Variants in CPNE5 observed in about 807,000 individuals in gnomAD.
CPNE5 encodes copine-5.
A neutral mutation model predicts 81.1 loss-of-function variants in CPNE5; 42 were observed. The observed-to-expected ratio is 0.52, with a 90% CI of 0.40 to 0.67. The LOEUF is 0.67. Ranked by LOEUF, CPNE5 falls within the 30% of genes least tolerant of loss-of-function variation. CPNE5 has a pLI of 0.00. For synonymous variants in CPNE5, 313 were observed against 321.5 expected (o/e 0.97, Z 0.28); for missense variants, 612 against 815.5 (o/e 0.75, Z 3.04).
intron 12 of CPNE5, among the ~76,000 whole-genome samples, chr6:36,759,319 G>A (rs1466454712): frequency 6.6e-6 from 1 of 151,952 alleles, no homozygotes; most frequent in African/African-American, 2.4e-5. Flanking sequence ...GCCCCGCCAC[G>A]GTGAATCCCA....
In CPNE5 at chr6:36,766,817, T is replaced by G. The variant is rs1027836229; in HGVS notation, c.738-1441A>C. Among the ~76,000 whole-genome samples the G allele has an allele frequency of 6.6e-6, 1 of 152,206 alleles. No homozygotes were observed. Among genetic ancestry groups the G allele is most frequent in the Non-Finnish European group, 1.5e-5 (1 of 68,036 alleles). On this transcript the variant is annotated intron_variant, in intron 10 of 20. Coordinates refer to ENST00000244751, the MANE Select transcript of CPNE5 (RefSeq NM_020939.2). The surrounding 1 kb of genome is among the most constrained non-coding windows in gnomAD (Gnocchi z 4.2). ...GTCTCTACAAAAATGCCTCCTTCTC[T>G]CCACTTCATCATTTGGCCGCGCTCT...
intron 8 of CPNE5, among the ~76,000 whole-genome samples, chr6:36,789,974 C>G (rs879766625): frequency 3.9e-5 from 6 of 152,106 alleles, no homozygotes; most frequent in African/African-American, 1.4e-4. Flanking sequence ...ATTCTGTGTT[C>G]GTGTGTCTTA....
chr6:36,768,384 A>G (rs1168217715), intron 10 of CPNE5, among the ~76,000 whole-genome samples: 1 of 151,908 alleles, frequency 6.6e-6, no homozygotes, highest in Non-Finnish European at 1.5e-5. Flanking sequence ...GGCGCATGCC[A>G]TCATATCCGG....
chr6:36,742,872 C>G, intron 20 of CPNE5: 1 of 985,416 alleles, frequency 1.0e-6, no homozygotes, highest in Non-Finnish European at 1.2e-6. Flanking sequence ...GCAGAGCCCT[C>G]TCTCTCTGGC....
intron 12 of CPNE5, among the ~76,000 whole-genome samples, chr6:36,758,160 C>T (rs1425735584): frequency 1.3e-5 from 2 of 152,150 alleles, no homozygotes; most frequent in Non-Finnish European, 2.9e-5. Context: ...GCCTCAGTCT[C>T]CTCATCTCTA....
chr6:36,782,874 G>A (rs1051366296), intron 8 of CPNE5, among the ~76,000 whole-genome samples: 16 of 119,954 alleles, frequency 1.3e-4, no homozygotes, highest in African/African-American at 5.5e-4. Context: ...CACACAAAAC[G>A]GCACAAAGGA....
At chr6:36,807,627 T>C (rs1352298005) in intron 3 of CPNE5, among the ~76,000 whole-genome samples, 1 of 152,168 alleles carries the variant, frequency 6.6e-6, no homozygotes, top group East Asian at 1.9e-4. Flanking sequence ...TTTCTGCTCA[T>C]CTTCCACACC....
intron 12 of CPNE5, among the ~76,000 whole-genome samples, chr6:36,760,371 C>T (rs1449682517): frequency 2.0e-5 from 3 of 152,124 alleles, no homozygotes; most frequent in South Asian, 2.1e-4. Context: ...CTCCCATGTG[C>T]GAACCAGGCT....
intron 3 of CPNE5, among the ~76,000 whole-genome samples, chr6:36,808,233 C>T (rs1040985609): frequency 3.9e-5 from 6 of 152,000 alleles, no homozygotes; most frequent in African/African-American, 1.2e-4. Context: ...TGGGATTACA[C>T]GTGCCTGCCA....
At position 36,746,667 on chromosome 6, in the gene CPNE5, CCTAA is replaced by C; in HGVS notation, c.1019-94_1019-91del. The C allele has an allele frequency of 2.5e-6, 3 of 1,176,818 alleles. No individual in the cohort carries two copies. Among genetic ancestry groups the C allele is most frequent in the Non-Finnish European group, 1.2e-6 (1 of 829,940 alleles). The allele number at this position is 1,176,818 out of a possible 1,614,324, so 72.9% of individuals were successfully genotyped here. On this transcript the variant is annotated intron_variant, in intron 15 of 20. Coordinates refer to ENST00000244751, the MANE Select transcript of CPNE5 (RefSeq NM_020939.2). This position sits in a 1 kb window ranked among gnomAD's most constrained non-coding sequence, Gnocchi z 4.5. ...GAAGAAGGGGGTGTCCAAGGGCACCCCTAACTTTTATTAATTCTTGACTCCTCTC... is the reference window on the plus strand; with the variant it reads ...GAAGAAGGGGGTGTCCAAGGGCACCCCTTTTATTAATTCTTGACTCCTCTC...
chr6:36,764,923 C>T (rs1358401924), intron 11 of CPNE5, among the ~76,000 whole-genome samples: 1 of 152,122 alleles, frequency 6.6e-6, no homozygotes. Context: ...CCCCACAATG[C>T]TTAGCCCGAG....
Position 36,792,510 on chromosome 6 carries a change from C to T in CPNE5, c.465-414G>A, listed in dbSNP as rs573401986. ...CACACCCAGCTGACCCCCAGCGTCCCGGGACAGTCCAGCTCTGAGCCACTC... is the reference window on the plus strand; with the variant it reads ...CACACCCAGCTGACCCCCAGCGTCCTGGGACAGTCCAGCTCTGAGCCACTC... On this transcript the variant is annotated intron_variant, in intron 7 of 20. Coordinates refer to ENST00000244751, the MANE Select transcript of CPNE5 (RefSeq NM_020939.2). 846 of 713,648 alleles carry T rather than the reference C, an allele frequency of 1.2e-3. 5 individuals carry two copies. Among genetic ancestry groups the T allele is most frequent in the South Asian group, 2.9e-3 (202 of 69,550 alleles). 44.2% of individuals were successfully genotyped at this position (713,648 alleles called of 1,614,324 possible).
chr6:36,823,157 G>A (rs1772209341), intron 1 of CPNE5, 59 bp from the exon 2 acceptor site: 2 of 1,425,294 alleles, frequency 1.4e-6, no homozygotes, highest in African/African-American at 1.4e-5. Context: ...GCGACCTCAG[G>A]GGATTCAGGC....
intron 8 of CPNE5, among the ~76,000 whole-genome samples, chr6:36,782,782 G>A (rs957049819): frequency 1.3e-5 from 2 of 151,332 alleles, no homozygotes; most frequent in Non-Finnish European, 2.9e-5. Flanking sequence ...CAACAAGAGC[G>A]AGACTCTGTC....
intron 8 of CPNE5, among the ~76,000 whole-genome samples, chr6:36,781,321 A>G (rs1768019053): frequency 6.6e-6 from 1 of 152,196 alleles, no homozygotes; most frequent in Non-Finnish European, 1.5e-5. Context: ...TGAATAAAAG[A>G]ACAGCTGACT....
At chr6:36,754,095 G>A (rs79316143) in intron 13 of CPNE5, 4,185 of 150,880 alleles carry the variant, frequency 0.028, 92 homozygotes, top group South Asian at 0.078. Flanking sequence ...TAGGAACCAC[G>A]GCAGTGGCTT....
At chr6:36,743,596 C>T in intron 20 of CPNE5, 93 bp downstream of exon 20, 1 of 1,266,378 alleles carries the variant, frequency 7.9e-7, no homozygotes, top group Non-Finnish European at 1.1e-6. Context: ...CTTCTGGGCC[C>T]TTCACCAGGG....
In CPNE5 at chr6:36,744,333, A is replaced by ACAGCATGGGGGG; in HGVS notation, c.1432-20_1432-9dup. 1 of 1,578,930 alleles carries ACAGCATGGGGGG rather than the reference A, an allele frequency of 6.3e-7. No homozygotes were observed. Among genetic ancestry groups the ACAGCATGGGGGG allele is most frequent in the Non-Finnish European group, 8.6e-7 (1 of 1,162,478 alleles). On this transcript the variant is annotated splice_polypyrimidine_tract_variant and intron_variant, in intron 18 of 20. Transcript: ENST00000244751. ...CATGGGGAGCTTGGCAGCCTGGGAG[A>ACAGCATGGGGGG]CAGCATGGGGGGCAGGGAAAGGTTG...
chr6:36,834,991 G>C (rs73416293), intron 1 of CPNE5, among the ~76,000 whole-genome samples: 1 of 152,034 alleles, frequency 6.6e-6, no homozygotes, highest in Non-Finnish European at 1.5e-5. Flanking sequence ...GCAACAAAAC[G>C]CCAACCCGAA....
Sources: gnomAD v4.1 joint callset for allele counts (sites outside exome capture counted in the v4.1 genomes callset) on GRCh38, gnomAD v4.1.1 for gene constraint, Gnocchi (gnomAD v3.1) non-coding constraint, MANE v1.5 for transcripts, NCBI Gene and HGNC (gene_info 2026-07-23, HGNC 2026-07-21) for gene names.